Variants in CMYA5 observed in about 807,000 individuals in gnomAD.
CMYA5 encodes the protein cardiomyopathy-associated protein 5.
A neutral mutation model predicts 318.9 loss-of-function variants in CMYA5; 246 were observed. That is an observed-to-expected ratio of 0.77 (90% CI 0.70 to 0.86). The LOEUF (loss-of-function observed/expected upper bound fraction) is 0.86. CMYA5 is among the 40% of genes least tolerant of loss of function. The probability of loss-of-function intolerance (pLI) is 0.00; values close to 1 mark genes in which losing one functional copy is unlikely to be tolerated. For missense variants in CMYA5, 4,589 were observed against 4,678.2 expected, an observed-to-expected ratio of 0.98 and a Z score of 0.56; for synonymous variants, 1,641 against 1,729.5, an observed-to-expected ratio of 0.95 and a Z score of 1.27.
At chr5:79,758,620 AC>A (rs1462931429) in intron 6 of CMYA5, 132 bp from the exon 7 acceptor site, 103 of 492,744 alleles carry the variant, frequency 2.1e-4, no homozygotes, top group Non-Finnish European at 1.6e-5. Flanking sequence ...GTTTGGGGGA[AC>A]AAGAGAGCCC....
Position 79,738,927 on chromosome 5 carries a change from G to C in CMYA5, c.10162G>C (p.Ala3388Pro), listed in dbSNP as rs755421471. The change falls in exon 2 of 13, where the codon GCA becomes CCA. Residue 3388 changes from alanine (A) to proline (P), a missense_variant. This residue lies in a region of CMYA5 where 2,431 missense variants were observed against 2,495.1 expected (regional missense o/e 0.97). Coordinates refer to ENST00000446378, the MANE Select transcript of CMYA5 (RefSeq NM_153610.5). The part of the protein sequence containing the change: ...SFPEEEFASG[A>P]THVQETSLEE... ...CCCGGAGGAAGAATTTGCATCTGGT[G>C]CAACTCATGTTCAAGAAACATCACT... 1.2e-6 allele frequency: 2 copies of C among 1,613,778 alleles called. No individual in the cohort carries two copies. The highest frequency in any genetic ancestry group is 1.7e-6 in the Non-Finnish European group (2 of 1,179,872).
chr5:79,748,635 C>T (rs920028079), intron 5 of CMYA5, among the ~76,000 whole-genome samples: 7 of 152,140 alleles, frequency 4.6e-5, no homozygotes, highest in African/African-American at 1.4e-4. Flanking sequence ...CTCCACCTCC[C>T]GGGTTTAAGC....
chr5:79,716,062 A>G (rs1284539551), intron 1 of CMYA5, among the ~76,000 whole-genome samples: 1 of 152,188 alleles, frequency 6.6e-6, no homozygotes, highest in Admixed American at 6.5e-5. Flanking sequence ...TTTGTGGTGG[A>G]TACTCACAAG....
chr5:79,750,237 G>C (rs145597929), intron 5 of CMYA5, among the ~76,000 whole-genome samples: 1 of 150,626 alleles, frequency 6.6e-6, no homozygotes, highest in Non-Finnish European at 1.5e-5. Context: ...GTGAAGAGAT[G>C]ATGTAAACTT....
In CMYA5 at chr5:79,731,968, C is replaced by A. The variant is rs1160936867; in HGVS notation, c.3203C>A (p.Thr1068Asn). 3.7e-6 allele frequency: 6 copies of A among 1,613,552 alleles called. No homozygotes were observed. The highest frequency in any genetic ancestry group is 5.1e-6 in the Non-Finnish European group (6 of 1,179,752). Residue 1068 changes from threonine to asparagine, a missense_variant, in exon 2 of 13, where the codon ACT (threonine) becomes AAT (asparagine). Physicochemically the swap from Thr to Asn is moderately conservative, Grantham distance 65. This residue lies in a region of CMYA5 where 2,132 missense variants were observed against 2,131.3 expected (regional missense o/e 1.00). Transcript: ENST00000446378. ...FSSSQKQKAE[T>N]FPLMSPLEDL... is the part of the protein sequence containing the mutation. ...TCATCACAGAAGCAAAAAGCTGAAA[C>A]TTTCCCTTTGATGTCTCCGCTTGAA...
rs778963169 is a variant in CMYA5 at position 79,732,943 on chromosome 5, A to G, written c.4178A>G (p.Lys1393Arg). ...CGTCCAGTCTTAACAAAAGTAGGAA[A>G]GGGTGAATTAGGAAGTGGTTTGCCA... ...VDRPVLTKVG[K>R]GELGSGLPPL... The change falls in exon 2 of 13, where the codon AAG becomes AGG. Residue 1393 changes from lysine to arginine, a missense_variant. Physicochemically the swap from Lys to Arg is conservative, Grantham distance 26 (BLOSUM62 2). Transcript: ENST00000446378. The G allele has an allele frequency of 4.3e-6, 7 of 1,613,696 alleles. No homozygotes were observed. The Admixed American group carries it at 6.7e-5, about 15-fold the overall frequency.
chr5:79,704,006 G>A (rs970299048), intron 1 of CMYA5, among the ~76,000 whole-genome samples: 7 of 152,000 alleles, frequency 4.6e-5, no homozygotes, highest in African/African-American at 1.4e-4. Context: ...GTGGGAGGAC[G>A]ATTTGAACCC....
chr5:79,739,497 G>A lies in CMYA5; in HGVS notation c.10638+94G>A, dbSNP rs1029479349. The A allele has an allele frequency of 1.3e-5, 13 of 973,974 alleles. No individual in the cohort carries two copies. The African/African-American group carries it at 1.3e-4, about 10-fold the overall frequency. The allele number at this position is 973,974 out of a possible 1,614,324, so 60.3% of individuals were successfully genotyped here. On this transcript the variant is annotated intron_variant, in intron 2 of 12. Coordinates refer to ENST00000446378, the MANE Select transcript of CMYA5 (RefSeq NM_153610.5). Reference sequence around the variant, plus strand: ...TCAATTTTAAAGATGATTAATATTTGATCATTGATCTTTAAGCAGAATGGT... The same window carrying A: ...TCAATTTTAAAGATGATTAATATTTAATCATTGATCTTTAAGCAGAATGGT...
At chr5:79,716,976 C>G (rs1827531620) in intron 1 of CMYA5, among the ~76,000 whole-genome samples, 2 of 152,162 alleles carry the variant, frequency 1.3e-5, no homozygotes, top group Non-Finnish European at 2.9e-5. Flanking sequence ...AAGACCACAC[C>G]TAACATAGTG....
rs202212751 is a variant in CMYA5 at position 79,733,428 on chromosome 5, A to G, written c.4663A>G (p.Lys1555Glu). 139 of 1,613,742 alleles carry G rather than the reference A, an allele frequency of 8.6e-5. No homozygotes were observed. The highest frequency in any genetic ancestry group is 1.1e-4 in the Non-Finnish European group (128 of 1,179,846). The change falls in exon 2 of 13, where the codon AAA becomes GAA. Residue 1555 changes from lysine to glutamate, a missense_variant. Lys to Glu is a moderately conservative substitution (Grantham distance 56, BLOSUM62 1). Transcript: ENST00000446378. The stretch of plus-strand genomic sequence containing the variant: ...ATCACAAAATGTGTCACCTGCATCC[A>G]AACATATAATCCCAAAAGGCAAAGA... ...PSSQNVSPAS[K>E]HIIPKGKDEE...
intron 11 of CMYA5, among the ~76,000 whole-genome samples, chr5:79,792,404 G>T (rs2151101116): frequency 6.6e-6 from 1 of 152,308 alleles, no homozygotes; most frequent in Non-Finnish European, 1.5e-5. Flanking sequence ...AAAATAAATA[G>T]ACTGGAGGAG....
At chr5:79,699,219 A>C (rs1827131831) in intron 1 of CMYA5, among the ~76,000 whole-genome samples, 1 of 152,162 alleles carries the variant, frequency 6.6e-6, no homozygotes, top group Admixed American at 6.5e-5. Flanking sequence ...ATGTTGAATG[A>C]ATGAGTACTG....
intron 2 of CMYA5, among the ~76,000 whole-genome samples, chr5:79,741,195 A>G (rs1252506521): frequency 6.6e-6 from 1 of 152,098 alleles, no homozygotes; most frequent in African/African-American, 2.4e-5. Context: ...CTTTATATAC[A>G]GGATATCTTT....
chr5:79,743,903 C>A lies in CMYA5; in HGVS notation c.10715C>A (p.Ser3572Tyr). The A allele has an allele frequency of 6.5e-7, 1 of 1,536,062 alleles. No homozygotes were observed. Among genetic ancestry groups the A allele is most frequent in the South Asian group, 1.2e-5 (1 of 81,512 alleles). ...RIEAFVSEIE[S>Y]FFNTIEENCS... ...GAAGCCTTTGTTAGTGAGATAGAAT[C>A]CTTTTTTAATACCATTGAGGTAAGT... Residue 3572 changes from serine (S) to tyrosine (Y), a missense_variant, in exon 3 of 13, where the codon TCC (serine) becomes TAC (tyrosine). By Grantham distance (144) the Ser-to-Tyr change is moderately radical (BLOSUM62 -2). Coordinates refer to ENST00000446378, the MANE Select transcript of CMYA5 (RefSeq NM_153610.5).
chr5:79,737,592 G>A lies in CMYA5; in HGVS notation c.8827G>A (p.Ala2943Thr), dbSNP rs1828106621. 6.2e-7 allele frequency: 1 copy of A among 1,613,560 alleles called. No homozygotes were observed. The highest frequency in any genetic ancestry group is 1.7e-5 in the Admixed American group (1 of 59,908). The change falls in exon 2 of 13, where the codon GCC becomes ACC. Residue 2943 changes from alanine to threonine, a missense_variant. Around this residue, in one of 3 missense-constraint regions of CMYA5, gnomAD observed 2,431 missense variants for 2,495.1 expected, o/e 0.97. Coordinates refer to ENST00000446378, the MANE Select transcript of CMYA5 (RefSeq NM_153610.5). ...PAGLSEDQKT[A>T]FSIISEGCEI... Reference sequence around the variant, plus strand: ...CGGACTTTCAGAAGATCAGAAGACTGCCTTTAGTATCATTTCTGAAGGCTG... The same window carrying A: ...CGGACTTTCAGAAGATCAGAAGACTACCTTTAGTATCATTTCTGAAGGCTG...
chr5:79,720,381 T>C (rs1827597096), intron 1 of CMYA5, among the ~76,000 whole-genome samples: 1 of 150,778 alleles, frequency 6.6e-6, no homozygotes, highest in African/African-American at 2.4e-5. Context: ...CAGAAGACAA[T>C]GGAATGATAT....
At chr5:79,774,127 A>G (rs568939856) in intron 9 of CMYA5, among the ~76,000 whole-genome samples, 23 of 152,334 alleles carry the variant, frequency 1.5e-4, no homozygotes, top group African/African-American at 5.5e-4. Flanking sequence ...GGGCGTTTGA[A>G]TGGAATGAGC....
intron 1 of CMYA5, among the ~76,000 whole-genome samples, chr5:79,695,158 T>A (rs950199348): frequency 4.6e-5 from 7 of 152,176 alleles, no homozygotes; most frequent in African/African-American, 1.7e-4. Flanking sequence ...TTTTTAGTCA[T>A]TAAACCAAAT....
In CMYA5 at chr5:79,735,655, A is replaced by G. The variant is rs1828043662; in HGVS notation, c.6890A>G (p.Asp2297Gly). The G allele has an allele frequency of 6.2e-7, 1 of 1,613,204 alleles. No individual in the cohort carries two copies. The highest frequency in any genetic ancestry group is 1.3e-5 in the African/African-American group (1 of 74,890). The change falls in exon 2 of 13, where the codon GAT becomes GGT. Residue 2297 changes from aspartate to glycine, a missense_variant. Around this residue, in one of 3 missense-constraint regions of CMYA5, gnomAD observed 2,431 missense variants for 2,495.1 expected, o/e 0.97. Transcript: ENST00000446378. ...TATGGAAAAAAAGAAATCTCAGGCG[A>G]TTCAGAGGAAATGAACATAAACTCA... is the stretch of plus-strand genomic sequence containing the variant. Reference protein sequence around the residue: ...EDYGKKEISGDSEEMNINSVV... With the variant: ...EDYGKKEISGGSEEMNINSVV...
Sources: gnomAD v4.1 joint callset for allele counts (sites outside exome capture counted in the v4.1 genomes callset) on GRCh38, gnomAD v4.1.1 for gene constraint, gnomAD v4.1.1 regional missense constraint, MANE v1.5 for transcripts, NCBI Gene and HGNC (gene_info 2026-07-23, HGNC 2026-07-21) for gene names.